Variants in TICRR observed in about 807,000 individuals in gnomAD.
The protein encoded by TICRR is TOPBP1 interacting checkpoint and replication regulator.
Under a neutral mutation model 178.1 loss-of-function variants are expected in TICRR, and 132 were observed. That is an observed-to-expected ratio of 0.74 (90% CI 0.64 to 0.86). TICRR has a LOEUF of 0.86. TICRR is among the 40% of genes least tolerant of loss of function. The pLI, the probability that TICRR is intolerant of heterozygous loss-of-function variation, is 0.00. For missense variants in TICRR, 2,587 were observed against 2,334.3 expected (o/e 1.11, Z -2.23); for synonymous variants, 991 against 900.7 (o/e 1.10, Z -1.79).
intron 4 of TICRR, chr15:89,591,670 G>C (rs560962527): frequency 6.5e-6 from 1 of 153,140 alleles, no homozygotes; most frequent in East Asian, 1.9e-4. Flanking sequence ...CGGAGGTTGC[G>C]GCTCATGAGC....
In TICRR at chr15:89,593,084, T is replaced by A. The variant is rs575934450; in HGVS notation, c.1541+908T>A. Among the ~76,000 whole-genome samples, 280 of 152,322 alleles carry A rather than the reference T, an allele frequency of 1.8e-3. 2 individuals are homozygous for A. Among genetic ancestry groups the A allele is most frequent in the African/African-American group, 6.4e-3 (267 of 41,568 alleles). ...AAACTTTGGTTTCGTTTTTTTAAAA[T>A]TTTTTTGGTTATTTTAGATACTTCG... On this transcript the variant is annotated intron_variant, in intron 5 of 21. Transcript: ENST00000268138.
chr15:89,620,459 C>T (rs371802439), intron 18 of TICRR, among the ~76,000 whole-genome samples: 1 of 152,030 alleles, frequency 6.6e-6, no homozygotes, highest in East Asian at 1.9e-4. Flanking sequence ...CCATCTGCCT[C>T]GGCCTCCCAA....
rs774099242 is a variant in TICRR, at chr15:89,575,663, C to T, written c.77C>T (p.Ala26Val). ...GCCCGCCACAGCCGGGTCCGGCGGG[C>T]CGCCCTGCGCCTCCTCACCTATCTG... ...GAARHSRVRR[A>V]ALRLLTYLSC... The change falls in exon 1 of 22, where the codon GCC (alanine) becomes GTC (valine). Residue 26 changes from alanine to valine, a missense_variant. Physicochemically the swap from Ala to Val is moderately conservative, Grantham distance 64. Coordinates refer to ENST00000268138, the MANE Select transcript of TICRR (RefSeq NM_152259.4). The T allele has an allele frequency of 6.3e-6, 10 of 1,577,548 alleles. No homozygotes were observed. In the South Asian group the frequency reaches 1.0e-4, roughly 16 times the overall value.
chr15:89,593,961 C>T (rs939933630), intron 5 of TICRR, among the ~76,000 whole-genome samples: 12 of 152,122 alleles, frequency 7.9e-5, no homozygotes, highest in Non-Finnish European at 1.6e-4. Flanking sequence ...TCCTGCCTGC[C>T]CTACTTCCTC....
chr15:89,595,922 A>AT (rs545163108), intron 7 of TICRR, among the ~76,000 whole-genome samples: 31 of 148,582 alleles, frequency 2.1e-4, no homozygotes, highest in African/African-American at 4.7e-4. Flanking sequence ...TGCTTTACAG[A>AT]TTTTTTTTTT....
intron 4 of TICRR, among the ~76,000 whole-genome samples, chr15:89,586,474 C>A (rs1295330176): frequency 3.3e-5 from 5 of 152,054 alleles, no homozygotes; most frequent in Non-Finnish European, 7.4e-5. Flanking sequence ...TATTAGAGAA[C>A]AAAATGGACA....
intron 4 of TICRR, among the ~76,000 whole-genome samples, chr15:89,586,508 C>G (rs553519099): frequency 5.6e-4 from 85 of 152,218 alleles, no homozygotes; most frequent in African/African-American, 2.0e-3. Flanking sequence ...ATGGAGCTGA[C>G]CATCTAGTCC....
chr15:89,608,912 T>C lies in TICRR; in HGVS notation c.2832T>C (p.Gly944=). 6.2e-7 allele frequency: 1 copy of C among 1,605,746 alleles called. No homozygotes were observed. The highest frequency in any genetic ancestry group is 2.3e-5 in the East Asian group (1 of 44,312). Residue 944 remains glycine, a synonymous_variant, in exon 15 of 22, where the codon GGT becomes GGC. Transcript: ENST00000268138. ...PRSHSVSAVD[G]LEDKLDNFKK... ...GCCATTCTGTGTCAGCTGTGGATGG[T>C]CTAGAGGATAAACTTGACAACTTCA...
At position 89,601,521 on chromosome 15, in the gene TICRR, T is replaced by G; in HGVS notation, c.2280T>G (p.Thr760=). 1 of 1,614,236 alleles carries G rather than the reference T, an allele frequency of 6.2e-7. No homozygotes were observed. The highest frequency in any genetic ancestry group is 8.5e-7 in the Non-Finnish European group (1 of 1,180,036). The part of the protein sequence containing the change: ...VTDLLRMVCL[T]EDSAYLAEFL... Reference sequence around the variant, plus strand: ...ATTTGCTGCGCATGGTGTGTTTAACTGAGGATTCAGCGTACCTAGCAGAGT... The same window carrying G: ...ATTTGCTGCGCATGGTGTGTTTAACGGAGGATTCAGCGTACCTAGCAGAGT... Residue 760 remains threonine (T), a synonymous_variant, in exon 11 of 22, where the codon ACT becomes ACG. Coordinates refer to ENST00000268138, the MANE Select transcript of TICRR (RefSeq NM_152259.4).
At chr15:89,620,529 C>T (rs779422139) in intron 18 of TICRR, among the ~76,000 whole-genome samples, 4 of 151,890 alleles carry the variant, frequency 2.6e-5, no homozygotes, top group Admixed American at 2.0e-4. Context: ...TTTATATTTA[C>T]AAATTAAAGT....
chr15:89,619,792 C>T lies in TICRR; in HGVS notation c.3104C>T (p.Pro1035Leu), dbSNP rs771471430. 22 of 1,613,626 alleles carry T rather than the reference C, an allele frequency of 1.4e-5. No individual in the cohort carries two copies. Among genetic ancestry groups the T allele is most frequent in the Middle Eastern group, 3.3e-4 (2 of 6,080 alleles). ...HSASFYSVSQ[P>L]KSRSVQRVHS... ...GCCTCCTTCTATTCTGTGTCTCAGC[C>T]GAAGTCTCGAAGTGTGCAAAGAGTC... The change falls in exon 18 of 22, where the codon CCG becomes CTG. Residue 1035 changes from proline to leucine, a missense_variant. Physicochemically the swap from Pro to Leu is moderately conservative, Grantham distance 98. Transcript: ENST00000268138.
At position 89,626,038 on chromosome 15, in the gene TICRR, C is replaced by T; in HGVS notation, c.5579C>T (p.Ser1860Phe). ...SPLLFQGKTP[S>F]SQSKDPRDED... Reference sequence around the variant, plus strand: ...CTGCTGTTCCAGGGGAAAACACCTTCCTCTCAGAGCAAAGACCCCAGAGGT... The same window carrying T: ...CTGCTGTTCCAGGGGAAAACACCTTTCTCTCAGAGCAAAGACCCCAGAGGT... The change falls in exon 21 of 22, where the codon TCC becomes TTC. Residue 1860 changes from serine to phenylalanine, a missense_variant. Transcript: ENST00000268138. The T allele has an allele frequency of 1.2e-6, 2 of 1,613,972 alleles. No homozygotes were observed. Among genetic ancestry groups the T allele is most frequent in the South Asian group, 1.1e-5 (1 of 91,064 alleles).
Position 89,584,554 on chromosome 15 carries a change from T to C in TICRR, c.1176+27T>C, listed in dbSNP as rs1258185261. 9.9e-6 allele frequency: 15 copies of C among 1,515,950 alleles called. No individual in the cohort carries two copies. The African/African-American group carries it at 1.3e-4, about 13-fold the overall frequency. The allele number at this position is 1,515,950 out of a possible 1,614,324, so 93.9% of individuals were successfully genotyped here. A position where few individuals can be genotyped will look rare whatever the true frequency, so the allele number is the denominator to read the frequency against. Reference sequence around the variant, plus strand: ...TAGGTATCCTCCACACGGGAAGTTATTCTTGTCTAACAACACACTGGTAAA... The same window carrying C: ...TAGGTATCCTCCACACGGGAAGTTACTCTTGTCTAACAACACACTGGTAAA... On this transcript the variant is annotated intron_variant, in intron 3 of 21. Transcript: ENST00000268138.
intron 1 of TICRR, among the ~76,000 whole-genome samples, chr15:89,576,796 C>T (rs1285278670): frequency 7.3e-6 from 1 of 137,060 alleles, no homozygotes; most frequent in African/African-American, 2.7e-5. Context: ...ACACAATACC[C>T]AGGGGTGTGT....
chr15:89,584,563 A>G (rs1205123021), intron 3 of TICRR, 36 bp downstream of exon 3: 1 of 1,508,266 alleles, frequency 6.6e-7, no homozygotes, highest in East Asian at 2.3e-5. Context: ...ATTCTTGTCT[A>G]ACAACACACT....
At position 89,627,396 on chromosome 15, in the gene TICRR, A is replaced by T; in HGVS notation, c.*310A>T. ...ACCCCAACCATGACCTTGGCAAGTC[A>T]GGGGGCCACTCTGCCTCATTTATGC... On this transcript the variant is annotated 3_prime_UTR_variant, in exon 22 of 22. Transcript: ENST00000268138. 2.9e-6 allele frequency: 1 copy of T among 343,422 alleles called. No individual in the cohort carries two copies. The highest frequency in any genetic ancestry group is 5.3e-6 in the Non-Finnish European group (1 of 187,950). 21.3% of individuals were successfully genotyped at this position (343,422 alleles called of 1,614,324 possible).
intron 13 of TICRR, among the ~76,000 whole-genome samples, chr15:89,603,662 G>A (rs1963131554): frequency 6.6e-6 from 1 of 152,220 alleles, no homozygotes; most frequent in African/African-American, 2.4e-5. Flanking sequence ...GGAGCCAGGA[G>A]GTGGAGTAGT....
intron 11 of TICRR, 59 bp downstream of exon 11, chr15:89,601,627 T>C: frequency 6.2e-7 from 1 of 1,608,040 alleles, no homozygotes; most frequent in Admixed American, 1.7e-5. Flanking sequence ...CTATGTATGG[T>C]GTTGTCTCTG....
In TICRR at chr15:89,577,295, A is replaced by G. The variant is rs534264607; in HGVS notation, c.654+1055A>G. Among the ~76,000 whole-genome samples the G allele has an allele frequency of 5.9e-5, 9 of 152,236 alleles. No homozygotes were observed. In the East Asian group the frequency reaches 1.7e-3, roughly 29 times the overall value. On this transcript the variant is annotated intron_variant, in intron 1 of 21. Transcript: ENST00000268138. ...GCAAACTTAAAGTCTTAAATGGCTAATTTGGATTTTTGCTGAGGCGGTGAG... is the reference window on the plus strand; with the variant it reads ...GCAAACTTAAAGTCTTAAATGGCTAGTTTGGATTTTTGCTGAGGCGGTGAG...
Sources: allele counts gnomAD v4.1 joint callset (sites outside exome capture counted in the v4.1 genomes callset), GRCh38; gene constraint gnomAD v4.1.1; transcripts MANE v1.5; gene names NCBI Gene and HGNC (gene_info 2026-07-23, HGNC 2026-07-21).